Variants in PAX7 observed in about 807,000 individuals in gnomAD.
PAX7 encodes the protein paired box protein Pax-7.
Under a neutral mutation model 50.7 loss-of-function variants are expected in PAX7, and 18 were observed. The ratio of observed to expected loss-of-function variants is 0.36; its 90% CI spans 0.25 to 0.53. PAX7 has a LOEUF of 0.53. PAX7 is among the 20% of genes least tolerant of loss of function. PAX7 has a pLI of 0.93. For synonymous variants in PAX7, 310 were observed against 290.4 expected, an observed-to-expected ratio of 1.07 and a Z score of -0.69; for missense variants, 644 against 702.9, an observed-to-expected ratio of 0.92 and a Z score of 0.95.
intron 8 of PAX7, among the ~76,000 whole-genome samples, chr1:18,741,374 C>A (rs893492776): frequency 6.6e-6 from 1 of 151,656 alleles, no homozygotes; most frequent in South Asian, 2.1e-4. Context: ...TGCTTGAACT[C>A]GGGAGGCGGA....
intron 8 of PAX7, among the ~76,000 whole-genome samples, chr1:18,743,452 G>A (rs1422091640): frequency 6.6e-6 from 1 of 152,226 alleles, no homozygotes; most frequent in African/African-American, 2.4e-5. Context: ...CCAACCTTGG[G>A]GAAGCATGTA....
At chr1:18,720,113 T>A (rs2089476047) in intron 7 of PAX7, among the ~76,000 whole-genome samples, 1 of 152,212 alleles carries the variant, frequency 6.6e-6, no homozygotes, top group African/African-American at 2.4e-5. Context: ...CTGGAGCAGA[T>A]CCTTGCTACT....
chr1:18,737,269 A>G (rs1930784297), intron 8 of PAX7, among the ~76,000 whole-genome samples: 2 of 152,340 alleles, frequency 1.3e-5, no homozygotes, highest in Non-Finnish European at 2.9e-5. Context: ...CCCATCCCTG[A>G]GGGTGTCCTC....
At chr1:18,734,261 G>C (rs559580714) in intron 7 of PAX7, among the ~76,000 whole-genome samples, 1 of 152,144 alleles carries the variant, frequency 6.6e-6, no homozygotes, top group Non-Finnish European at 1.5e-5. Context: ...TCTCCGTCTC[G>C]GTGCTGGGCA....
chr1:18,654,576 A>G (rs1040167200), intron 4 of PAX7, among the ~76,000 whole-genome samples: 5 of 152,190 alleles, frequency 3.3e-5, no homozygotes, highest in Non-Finnish European at 4.4e-5. Flanking sequence ...CCATCTGAGA[A>G]CTATCTAGGG....
intron 4 of PAX7, among the ~76,000 whole-genome samples, chr1:18,653,354 T>C (rs1282279200): frequency 1.3e-5 from 2 of 152,186 alleles, no homozygotes. Flanking sequence ...CTTGTGTGTG[T>C]ATATTGTTGT....
At position 18,725,756 on chromosome 1, in the gene PAX7, G is replaced by A. The variant is rs539590050; in HGVS notation, c.1156-9876G>A. On this transcript the variant is annotated intron_variant, in intron 7 of 8. Transcript: ENST00000420770. ...TCTAATCCCTCGTCCACCATTTATC[G>A]AGCCATCAGAGATGGTTTCAGAATC... Among the ~76,000 whole-genome samples, 7 of 152,118 alleles carry A rather than the reference G, an allele frequency of 4.6e-5. No individual in the cohort carries two copies. The East Asian group carries it at 9.7e-4, about 21-fold the overall frequency.
At position 18,721,755 on chromosome 1, in the gene PAX7, G is replaced by A. The variant is rs139167021; in HGVS notation, c.1156-13877G>A. 7.5e-4 allele frequency among the ~76,000 whole-genome samples: 114 copies of A among 152,378 alleles called. 2 individuals are homozygous for A. The South Asian group carries it at 8.3e-3, about 11-fold the overall frequency. The stretch of plus-strand genomic sequence containing the variant: ...GTGATGCGGGGAGGAGAAGCTGGCA[G>A]TTGTCGGACCATGTCTGGAAACACA... On this transcript the variant is annotated intron_variant, in intron 7 of 8. Coordinates refer to ENST00000420770, the MANE Select transcript of PAX7 (RefSeq NM_001135254.2).
intron 4 of PAX7, among the ~76,000 whole-genome samples, chr1:18,661,159 G>A (rs1002280033): frequency 6.6e-6 from 1 of 152,136 alleles, no homozygotes; most frequent in African/African-American, 2.4e-5. Flanking sequence ...ACAGAACAAC[G>A]TGGGTCCATC....
intron 4 of PAX7, among the ~76,000 whole-genome samples, chr1:18,685,749 T>G (rs1314408767): frequency 3.3e-5 from 5 of 152,216 alleles, no homozygotes; most frequent in Non-Finnish European, 7.3e-5. Context: ...CCCATAGTGG[T>G]TGAGGCCTTG....
chr1:18,741,082 G>A (rs1469034854), intron 8 of PAX7, among the ~76,000 whole-genome samples: 4 of 152,172 alleles, frequency 2.6e-5, no homozygotes, highest in Non-Finnish European at 5.9e-5. Context: ...AACAGAATAG[G>A]GTGACTACAG....
intron 5 of PAX7, among the ~76,000 whole-genome samples, chr1:18,698,400 C>T (rs1008860300): frequency 1.3e-5 from 2 of 151,866 alleles, no homozygotes; most frequent in African/African-American, 4.8e-5. Flanking sequence ...GAGATTGGCA[C>T]AGGTTAGAAA....
intron 8 of PAX7, among the ~76,000 whole-genome samples, chr1:18,738,319 C>A (rs1930915210): frequency 6.6e-6 from 1 of 152,156 alleles, no homozygotes; most frequent in African/African-American, 2.4e-5. Flanking sequence ...TAGAGTGACC[C>A]CAGCGGCAGC....
intron 4 of PAX7, among the ~76,000 whole-genome samples, chr1:18,682,132 A>G (rs906106843): frequency 6.6e-6 from 1 of 151,970 alleles, no homozygotes; most frequent in African/African-American, 2.4e-5. Flanking sequence ...TGAGAGTCCA[A>G]CTCTGGCTTT....
chr1:18,705,547 G>T (rs75843850), intron 7 of PAX7, among the ~76,000 whole-genome samples: 2 of 152,108 alleles, frequency 1.3e-5, no homozygotes, highest in East Asian at 1.9e-4. Flanking sequence ...TTCCTAGCCC[G>T]CCCTGTCTCA....
chr1:18,700,823 G>A lies in PAX7; in HGVS notation c.952+5G>A, dbSNP rs771042665. ...CCACCACCACCATCTCCCAAGGTGA[G>A]TGTCTTGGCCCCGTCCTGCCATCTC... On this transcript the variant is annotated splice_donor_5th_base_variant and intron_variant, in intron 6 of 8. Coordinates refer to ENST00000420770, the MANE Select transcript of PAX7 (RefSeq NM_001135254.2). This position sits in a 1 kb window ranked among gnomAD's most constrained non-coding sequence, Gnocchi z 4.8. 7.4e-6 allele frequency: 11 copies of A among 1,488,990 alleles called. No individual in the cohort carries two copies. The highest frequency in any genetic ancestry group is 9.9e-6 in the Non-Finnish European group (11 of 1,113,442). 92.2% of individuals were successfully genotyped at this position (1,488,990 alleles called of 1,614,324 possible).
intron 4 of PAX7, among the ~76,000 whole-genome samples, chr1:18,667,487 G>A (rs1039610305): frequency 4.6e-5 from 7 of 151,996 alleles, no homozygotes; most frequent in Admixed American, 1.3e-4. Context: ...GCAGCAGCCC[G>A]GTAAAAGCGG....
At chr1:18,720,320 C>T (rs1404794015) in intron 7 of PAX7, among the ~76,000 whole-genome samples, 1 of 152,150 alleles carries the variant, frequency 6.6e-6, no homozygotes, top group Non-Finnish European at 1.5e-5. Context: ...GGGAGGGAAC[C>T]CCAAATCCTT....
chr1:18,725,388 G>A (rs2089551452), intron 7 of PAX7, among the ~76,000 whole-genome samples: 1 of 151,254 alleles, frequency 6.6e-6, no homozygotes, highest in Admixed American at 6.6e-5. Flanking sequence ...CGGGGGACCA[G>A]AGTCAAGGAG....
Sources: allele counts gnomAD v4.1 joint callset (sites outside exome capture counted in the v4.1 genomes callset), GRCh38; gene constraint gnomAD v4.1.1; non-coding constraint Gnocchi (gnomAD v3.1); transcripts MANE v1.5; gene names NCBI Gene and HGNC (gene_info 2026-07-23, HGNC 2026-07-21).